Variants in ZNF518A observed in about 807,000 individuals in gnomAD.
ZNF518A encodes zinc finger protein 518.
ZNF518A carries 47 observed loss-of-function variants against 102.7 expected under a neutral mutation model. The observed-to-expected ratio is 0.46, with a 90% CI of 0.36 to 0.58. The LOEUF is 0.58. Among genes scored for constraint, ZNF518A ranks in the 20% least tolerant of loss-of-function variants. The probability of loss-of-function intolerance (pLI) is 0.00; values close to 1 mark genes in which losing one functional copy is unlikely to be tolerated. For synonymous variants in ZNF518A, 652 were observed against 594.6 expected (o/e 1.10, Z -1.40); for missense variants, 1,793 against 1,699.8 (o/e 1.05, Z -0.96).
chr10:96,141,690 C>T (rs1179989334), intron 3 of ZNF518A, among the ~76,000 whole-genome samples: 3 of 151,906 alleles, frequency 2.0e-5, no homozygotes, highest in South Asian at 4.2e-4. Flanking sequence ...TATTTAATTA[C>T]TTTTGCATAT....
intron 1 of ZNF518A, among the ~76,000 whole-genome samples, chr10:96,188,930 T>C: frequency 6.6e-6 from 1 of 152,154 alleles, no homozygotes; most frequent in East Asian, 1.9e-4. Flanking sequence ...TTCTTGCCTC[T>C]TCCTAGCTTC....
chr10:96,152,055 T>C (rs1323910441), intron 3 of ZNF518A, among the ~76,000 whole-genome samples: 1 of 152,258 alleles, frequency 6.6e-6, no homozygotes, highest in Non-Finnish European at 1.5e-5. Flanking sequence ...CACACACCTA[T>C]AATCTCAACA....
intron 1 of ZNF518A, among the ~76,000 whole-genome samples, chr10:96,191,020 C>A (rs587635658): frequency 4.4e-4 from 67 of 152,196 alleles, no homozygotes; most frequent in Admixed American, 1.5e-3. Context: ...ATGGGAGGGA[C>A]CTGGTGGGAG....
chr10:96,156,715 C>T lies in ZNF518A; in HGVS notation c.393C>T (p.Ser131=). The part of the protein sequence containing the change: ...CLKCRDNTRY[S]PNDLQKHFQM... ...AATGCCGAGACAACACTCGATATAG[C>T]CCAAATGATTTGCAGAAACACTTTC... Residue 131 remains serine, a synonymous_variant, in exon 6 of 6, where the codon AGC becomes AGT. Transcript: ENST00000316045. 6.2e-7 allele frequency: 1 copy of T among 1,613,816 alleles called. No individual in the cohort carries two copies. The highest frequency in any genetic ancestry group is 8.5e-7 in the Non-Finnish European group (1 of 1,179,780).
chr10:96,156,991 T>G lies in ZNF518A; in HGVS notation c.669T>G (p.Val223=). ...KFSTQDVGTF[V]QHIHRHNEIH... ...CCACCCAGGATGTTGGCACATTTGTTCAGCACATTCATAGACATAATGAAA... is the reference window on the plus strand; with the variant it reads ...CCACCCAGGATGTTGGCACATTTGTGCAGCACATTCATAGACATAATGAAA... Residue 223 remains valine (V), a synonymous_variant, in exon 6 of 6, where the codon GTT becomes GTG. Transcript: ENST00000316045. 1 of 1,613,888 alleles carries G rather than the reference T, an allele frequency of 6.2e-7. No homozygotes were observed. Among genetic ancestry groups the G allele is most frequent in the Non-Finnish European group, 8.5e-7 (1 of 1,179,798 alleles).
rs782234913 is a variant in ZNF518A at position 96,158,936 on chromosome 10, G to T, written c.2614G>T (p.Val872Leu). 4 of 1,613,502 alleles carry T rather than the reference G, an allele frequency of 2.5e-6. No individual in the cohort carries two copies. Among genetic ancestry groups the T allele is most frequent in the Non-Finnish European group, 3.4e-6 (4 of 1,179,724 alleles). The part of the protein sequence containing the change: ...EKQVSSIPQD[V>L]RDSEKMPRIS... ...ACAAGTGTCATCAATACCACAAGAT[G>T]TGAGAGATTCAGAGAAGATGCCTAG... The change falls in exon 6 of 6, where the codon GTG becomes TTG. Residue 872 changes from valine to leucine, a missense_variant. By Grantham distance (32) the Val-to-Leu change is conservative (BLOSUM62 1). Transcript: ENST00000316045.
rs587681702 is a variant in ZNF518A at position 96,136,184 on chromosome 10, A to G, written c.-302+2536A>G. Reference sequence around the variant, plus strand: ...GAGATTTCTTTGAAAAAATGTGTATATTTCTTTTCATATAATTTCATTTTT... The same window carrying G: ...GAGATTTCTTTGAAAAAATGTGTATGTTTCTTTTCATATAATTTCATTTTT... On this transcript the variant is annotated intron_variant, in intron 3 of 5. Coordinates refer to ENST00000316045, the MANE Select transcript of ZNF518A (RefSeq NM_001330736.2). Among the ~76,000 whole-genome samples, 9 of 152,050 alleles carry G rather than the reference A, an allele frequency of 5.9e-5. No individual in the cohort carries two copies. The South Asian group carries it at 6.2e-4, about 11-fold the overall frequency.
intron 1 of ZNF518A, among the ~76,000 whole-genome samples, chr10:96,194,889 G>A (rs907268926): frequency 2.7e-5 from 4 of 148,634 alleles, no homozygotes; most frequent in African/African-American, 9.9e-5. Flanking sequence ...TCCTGCCTCA[G>A]CCTCCTGTGT....
At chr10:96,186,984 A>G (rs1440340004) in intron 1 of ZNF518A, among the ~76,000 whole-genome samples, 1 of 152,234 alleles carries the variant, frequency 6.6e-6, no homozygotes, top group African/African-American at 2.4e-5. Context: ...GATAGGCCAC[A>G]GAGGCCCAGG....
chr10:96,172,438 A>G (rs1364933582), intron 1 of ZNF518A, among the ~76,000 whole-genome samples: 2 of 152,082 alleles, frequency 1.3e-5, no homozygotes, highest in Non-Finnish European at 2.9e-5. Flanking sequence ...GAAAAACTCT[A>G]TAAATATATA....
chr10:96,174,802 T>C (rs1409604216), intron 1 of ZNF518A, among the ~76,000 whole-genome samples: 1 of 151,994 alleles, frequency 6.6e-6, no homozygotes, highest in African/African-American at 2.4e-5. Flanking sequence ...GGAATAGGTG[T>C]TATATATTGA....
intron 3 of ZNF518A, among the ~76,000 whole-genome samples, chr10:96,139,611 A>G (rs1170975856): frequency 6.6e-6 from 1 of 152,210 alleles, no homozygotes; most frequent in Non-Finnish European, 1.5e-5. Context: ...CAGCCAGAAC[A>G]GAGTAGGACA....
intron 3 of ZNF518A, among the ~76,000 whole-genome samples, chr10:96,143,847 A>C (rs1346637686): frequency 1.3e-5 from 2 of 152,154 alleles, no homozygotes; most frequent in African/African-American, 4.8e-5. Flanking sequence ...AAATTAAACT[A>C]TTGTCAGTAG....
chr10:96,188,754 G>A (rs1196102618), intron 1 of ZNF518A, among the ~76,000 whole-genome samples: 2 of 152,088 alleles, frequency 1.3e-5, no homozygotes, highest in Non-Finnish European at 2.9e-5. Context: ...CTATATACCT[G>A]AATGTAAAAA....
intron 1 of ZNF518A, among the ~76,000 whole-genome samples, chr10:96,197,941 GA>G (rs587641669): frequency 0.01 from 1,532 of 146,156 alleles, 34 homozygotes; most frequent in African/African-American, 0.036. Context: ...AAAAGAAAAA[GA>G]AAAAAAAATC....
At chr10:96,143,406 C>T (rs1161531418) in intron 3 of ZNF518A, among the ~76,000 whole-genome samples, 1 of 152,118 alleles carries the variant, frequency 6.6e-6, no homozygotes, top group East Asian at 1.9e-4. Flanking sequence ...CCTGTGGTAC[C>T]TTAGGAGAAA....
intron 1 of ZNF518A, among the ~76,000 whole-genome samples, chr10:96,182,925 G>C (rs1357557672): frequency 5.9e-5 from 9 of 152,134 alleles, no homozygotes; most frequent in African/African-American, 2.2e-4. Flanking sequence ...ACCTCTAGTA[G>C]AATTTGGCTG....
At chr10:96,183,742 T>A (rs1268216178) in intron 1 of ZNF518A, among the ~76,000 whole-genome samples, 3 of 152,218 alleles carry the variant, frequency 2.0e-5, no homozygotes, top group Middle Eastern at 3.2e-3. Flanking sequence ...AACTATGTGG[T>A]CAATTTTGGA....
chr10:96,144,520 G>T (rs1404490948), intron 3 of ZNF518A, among the ~76,000 whole-genome samples: 2 of 152,132 alleles, frequency 1.3e-5, no homozygotes, highest in African/African-American at 4.8e-5. Context: ...AAACAAAATT[G>T]AGTATTTTCA....
Sources: allele counts gnomAD v4.1 joint callset (sites outside exome capture counted in the v4.1 genomes callset), GRCh38; gene constraint gnomAD v4.1.1; transcripts MANE v1.5; gene names NCBI Gene and HGNC (gene_info 2026-07-23, HGNC 2026-07-21).